The following NCKAP5 variants were observed in gnomAD, a reference collection of about 807,000 sequenced individuals.
The protein encoded by NCKAP5 is nck-associated protein 5.
A neutral mutation model predicts 167.0 loss-of-function variants in NCKAP5; 92 were observed. That is an observed-to-expected ratio of 0.55 (90% CI 0.47 to 0.66). NCKAP5 has a LOEUF of 0.66. Ranked by LOEUF, NCKAP5 falls within the 30% of genes least tolerant of loss-of-function variation. The pLI, the probability that NCKAP5 is intolerant of heterozygous loss-of-function variation, is 0.00. For synonymous variants in NCKAP5, 891 were observed against 877.4 expected, an observed-to-expected ratio of 1.02 and a Z score of -0.27; for missense variants, 2,378 against 2,315.0, an observed-to-expected ratio of 1.03 and a Z score of -0.56.
chr2:132,731,427 CAG>C lies in NCKAP5; in HGVS notation c.5443+308_5443+309del, dbSNP rs1574020186. ...TCTTGGGCTGAAATTGGTCTATATTCAGAGTTAAGTTTTATAGGATAAAACCT... is the reference window on the plus strand; with the variant it reads ...TCTTGGGCTGAAATTGGTCTATATTCAGTTAAGTTTTATAGGATAAAACCT... On this transcript the variant is annotated intron_variant, in intron 17 of 19. Coordinates refer to ENST00000409261, the MANE Select transcript of NCKAP5 (RefSeq NM_207363.3). Among the ~76,000 whole-genome samples, 3 of 152,282 alleles carry C rather than the reference CAG, an allele frequency of 2.0e-5. No individual in the cohort carries two copies. In the East Asian group the frequency reaches 5.8e-4, roughly 29 times the overall value.
At chr2:133,383,208 C>G (rs1468281914) in intron 3 of NCKAP5, among the ~76,000 whole-genome samples, 1 of 152,068 alleles carries the variant, frequency 6.6e-6, no homozygotes, top group East Asian at 1.9e-4. Context: ...AATGCTATCC[C>G]TCCCCACTCC....
intron 16 of NCKAP5, among the ~76,000 whole-genome samples, chr2:132,749,391 A>G (rs1009940580): frequency 6.6e-6 from 1 of 151,952 alleles, no homozygotes; most frequent in Non-Finnish European, 1.5e-5. Flanking sequence ...TTTTGTAGAG[A>G]CAGGATTTTG....
intron 6 of NCKAP5, among the ~76,000 whole-genome samples, chr2:132,998,699 C>T (rs1206795374): frequency 1.3e-5 from 2 of 152,116 alleles, no homozygotes; most frequent in Non-Finnish European, 2.9e-5. Flanking sequence ...CGCCCAATTA[C>T]ATTTTGCTTC....
At chr2:132,997,894 AC>A (rs1473288442) in intron 6 of NCKAP5, among the ~76,000 whole-genome samples, 1 of 152,190 alleles carries the variant, frequency 6.6e-6, no homozygotes, top group East Asian at 1.9e-4. Context: ...TTTTATATAA[AC>A]AAGCTCTTGA....
intron 7 of NCKAP5, among the ~76,000 whole-genome samples, chr2:132,968,260 G>C (rs953746527): frequency 6.6e-6 from 1 of 152,198 alleles, no homozygotes; most frequent in Non-Finnish European, 1.5e-5. Flanking sequence ...CCTGACTGCT[G>C]CAATGGAGAA....
At chr2:132,855,575 T>C (rs1238269670) in intron 11 of NCKAP5, among the ~76,000 whole-genome samples, 1 of 152,226 alleles carries the variant, frequency 6.6e-6, no homozygotes, top group East Asian at 1.9e-4. Flanking sequence ...GCCAGGTAGA[T>C]GCTTCAAACT....
intron 3 of NCKAP5, among the ~76,000 whole-genome samples, chr2:133,376,647 T>C (rs982864213): frequency 6.6e-6 from 1 of 152,184 alleles, no homozygotes; most frequent in Admixed American, 6.5e-5. Flanking sequence ...TATTACAGCA[T>C]ACCTTTGCTT....
chr2:132,729,837 G>T (rs1690814679), intron 17 of NCKAP5, among the ~76,000 whole-genome samples: 1 of 152,164 alleles, frequency 6.6e-6, no homozygotes, highest in South Asian at 2.1e-4. Context: ...TTTGTGAGGG[G>T]AAGCTAAGAA....
chr2:133,356,596 G>T (rs750101401), intron 3 of NCKAP5, among the ~76,000 whole-genome samples: 1 of 152,142 alleles, frequency 6.6e-6, no homozygotes, highest in Non-Finnish European at 1.5e-5. Context: ...CTGCAGGACC[G>T]TAGGAAAGGA....
At chr2:132,906,141 T>C (rs541166850) in intron 8 of NCKAP5, among the ~76,000 whole-genome samples, 1 of 152,350 alleles carries the variant, frequency 6.6e-6, no homozygotes, top group South Asian at 2.1e-4. Context: ...GAAAGACTAT[T>C]GATCTATTAT....
At chr2:133,237,228 A>T (rs1182763056) in intron 4 of NCKAP5, among the ~76,000 whole-genome samples, 1 of 152,192 alleles carries the variant, frequency 6.6e-6, no homozygotes, top group African/African-American at 2.4e-5. Flanking sequence ...TATATTCCTA[A>T]GCAGAGATAG....
intron 6 of NCKAP5, among the ~76,000 whole-genome samples, chr2:133,125,851 AT>A (rs1025691627): frequency 1.8e-4 from 27 of 151,328 alleles, no homozygotes; most frequent in Admixed American, 5.9e-4. Context: ...GGCATATCCA[AT>A]TTTTTTTTAT....
chr2:132,957,244 C>A (rs984698981), intron 8 of NCKAP5, among the ~76,000 whole-genome samples: 6 of 152,200 alleles, frequency 3.9e-5, no homozygotes, highest in African/African-American at 1.4e-4. Context: ...GAATTTGGTA[C>A]AACCTCACAC....
chr2:133,631,209 T>G, the NCKAP5 span, among the ~76,000 whole-genome samples: 1 of 152,232 alleles, frequency 6.6e-6, no homozygotes, highest in Non-Finnish European at 1.5e-5. Flanking sequence ...ATATGGGTTA[T>G]ATCACAAATG....
chr2:132,757,318 C>T (rs934832078), intron 16 of NCKAP5, among the ~76,000 whole-genome samples: 1 of 152,108 alleles, frequency 6.6e-6, no homozygotes, highest in African/African-American at 2.4e-5. Flanking sequence ...CAGACACTAC[C>T]GTTTTCAAAA....
intron 6 of NCKAP5, among the ~76,000 whole-genome samples, chr2:133,114,021 T>C (rs1242642434): frequency 6.6e-6 from 1 of 152,232 alleles, no homozygotes; most frequent in Non-Finnish European, 1.5e-5. Context: ...TTACATGGCA[T>C]TTTATTTTGC....
At chr2:132,935,027 C>T (rs1028381198) in intron 8 of NCKAP5, among the ~76,000 whole-genome samples, 6 of 152,152 alleles carry the variant, frequency 3.9e-5, no homozygotes, top group Admixed American at 3.3e-4. Context: ...CAGTACATGG[C>T]TTTTTTCCCA....
At chr2:133,668,487 G>A in the NCKAP5 span, among the ~76,000 whole-genome samples, 3 of 151,880 alleles carry the variant, frequency 2.0e-5, no homozygotes, top group East Asian at 1.9e-4. Context: ...CAATATTAGC[G>A]GGTGCAAAGT....
chr2:133,544,088 C>G lies in NCKAP5; in HGVS notation c.-62+14962G>C, dbSNP rs193064465. On this transcript the variant is annotated intron_variant, in intron 2 of 19. Coordinates refer to ENST00000409261, the MANE Select transcript of NCKAP5 (RefSeq NM_207363.3). ...AAATAGCTGATGATTTGTATCTTAA[C>G]AGCGTTGATTTGTATCTTGAATTAA... is the stretch of plus-strand genomic sequence containing the variant. Among the ~76,000 whole-genome samples, 936 of 152,314 alleles carry G rather than the reference C, an allele frequency of 6.1e-3. 26 individuals carry two copies. Among genetic ancestry groups the G allele is most frequent in the Admixed American group, 0.054 (823 of 15,286 alleles).
Sources: allele counts gnomAD v4.1 joint callset (sites outside exome capture counted in the v4.1 genomes callset), GRCh38; gene constraint gnomAD v4.1.1; transcripts MANE v1.5; gene names NCBI Gene and HGNC (gene_info 2026-07-23, HGNC 2026-07-21).